Variants in PRKAR2B observed in about 807,000 individuals in gnomAD.
The protein encoded by PRKAR2B is protein kinase cAMP-dependent type II regulatory subunit beta, also known as cAMP-dependent protein kinase type II-beta regulatory subunit.
PRKAR2B carries 14 observed loss-of-function variants against 49.9 expected under a neutral mutation model. The observed-to-expected ratio is 0.28, with a 90% CI of 0.19 to 0.44. PRKAR2B has a LOEUF of 0.44. PRKAR2B is among the 20% of genes least tolerant of loss of function. PRKAR2B has a pLI of 1.00. For missense variants in PRKAR2B, 393 were observed against 537.9 expected (o/e 0.73, Z 2.67); for synonymous variants, 196 against 197.7 (o/e 0.99, Z 0.07).
chr7:107,142,724 T>C (rs1042005204), intron 5 of PRKAR2B, among the ~76,000 whole-genome samples: 4 of 151,956 alleles, frequency 2.6e-5, no homozygotes, highest in Admixed American at 6.6e-5. Flanking sequence ...CCTTGTATTA[T>C]CAGAGAAGAA....
chr7:107,134,494 A>G (rs1307973684), intron 4 of PRKAR2B, among the ~76,000 whole-genome samples: 2 of 152,224 alleles, frequency 1.3e-5, no homozygotes, highest in African/African-American at 4.8e-5. Context: ...TGTTGCCACT[A>G]TGTTATAATT....
At chr7:107,075,596 C>T (rs1015271719) in intron 2 of PRKAR2B, among the ~76,000 whole-genome samples, 34 of 152,054 alleles carry the variant, frequency 2.2e-4, no homozygotes, top group African/African-American at 7.7e-4. Context: ...GACAGGGTTT[C>T]GCCATGTTGC....
At chr7:107,133,370 C>A (rs569369952) in intron 4 of PRKAR2B, among the ~76,000 whole-genome samples, 1 of 152,118 alleles carries the variant, frequency 6.6e-6, no homozygotes, top group Non-Finnish European at 1.5e-5. Context: ...CTTTTTTCCC[C>A]ATTTGACATT....
At chr7:107,147,062 A>G (rs1340427159) in intron 6 of PRKAR2B, among the ~76,000 whole-genome samples, 2 of 141,812 alleles carry the variant, frequency 1.4e-5, no homozygotes, top group Non-Finnish European at 3.2e-5. Context: ...GCCCCACATC[A>G]GAATTACCTG....
At chr7:107,102,193 C>T (rs373738538) in intron 2 of PRKAR2B, among the ~76,000 whole-genome samples, 94 of 152,088 alleles carry the variant, frequency 6.2e-4, no homozygotes, top group Admixed American at 2.5e-3. Context: ...GGTGACAGAG[C>T]GAGACTCCGT....
Position 107,153,195 on chromosome 7 carries a change from G to A in PRKAR2B, c.862G>A (p.Val288Ile), listed in dbSNP as rs776089075. 6.2e-7 allele frequency: 1 copy of A among 1,608,960 alleles called. No homozygotes were observed. The highest frequency in any genetic ancestry group is 2.2e-5 in the East Asian group (1 of 44,716). ...KSLEFSERLKVVDVIGTKVYN... is the reference protein window; with the variant it reads ...KSLEFSERLKIVDVIGTKVYN... Reference sequence around the variant, plus strand: ...TTTGTAGTTTTCTGAACGCCTGAAAGTAGTAGATGTGATAGGCACCAAAGT... The same window carrying A: ...TTTGTAGTTTTCTGAACGCCTGAAAATAGTAGATGTGATAGGCACCAAAGT... Residue 288 changes from valine (V) to isoleucine (I), a missense_variant, in exon 8 of 11, where the codon GTA becomes ATA. By Grantham distance (29) the Val-to-Ile change is conservative. This residue lies in a region of PRKAR2B where 233 missense variants were observed against 390.4 expected (regional missense o/e 0.60). Coordinates refer to ENST00000265717, the MANE Select transcript of PRKAR2B (RefSeq NM_002736.3).
At chr7:107,151,777 G>T (rs1795992934) in intron 7 of PRKAR2B, among the ~76,000 whole-genome samples, 1 of 152,098 alleles carries the variant, frequency 6.6e-6, no homozygotes, top group South Asian at 2.1e-4. Flanking sequence ...TCTCTGCCTG[G>T]CGTTGTACTG....
chr7:107,089,469 A>C (rs1037112117), intron 2 of PRKAR2B, among the ~76,000 whole-genome samples: 9 of 152,244 alleles, frequency 5.9e-5, no homozygotes, highest in Non-Finnish European at 1.2e-4. Flanking sequence ...CATAAACACC[A>C]ACTACTGCGT....
intron 1 of PRKAR2B, among the ~76,000 whole-genome samples, chr7:107,048,931 G>T (rs897490990): frequency 6.6e-5 from 10 of 152,236 alleles, no homozygotes; most frequent in Non-Finnish European, 1.5e-4. Context: ...CCAGAAAGAA[G>T]CCATAATGGA....
intron 2 of PRKAR2B, among the ~76,000 whole-genome samples, chr7:107,117,515 G>A (rs557485089): frequency 2.6e-5 from 4 of 152,226 alleles, no homozygotes; most frequent in East Asian, 1.9e-4. Context: ...CTTACTGAGC[G>A]TCTAGAGTGT....
At chr7:107,062,371 T>G (rs1794041950) in intron 1 of PRKAR2B, among the ~76,000 whole-genome samples, 1 of 152,164 alleles carries the variant, frequency 6.6e-6, no homozygotes, top group Non-Finnish European at 1.5e-5. Context: ...TAGCTCAAAC[T>G]GGAAACTGAA....
intron 2 of PRKAR2B, chr7:107,077,637 G>A (rs948793517): frequency 2.0e-5 from 3 of 152,168 alleles, no homozygotes; most frequent in Admixed American, 6.5e-5. Context: ...GGATAGCAGG[G>A]ACTTAAGGCC....
intron 2 of PRKAR2B, among the ~76,000 whole-genome samples, chr7:107,110,025 G>T (rs1237002656): frequency 6.6e-6 from 1 of 152,196 alleles, no homozygotes; most frequent in Non-Finnish European, 1.5e-5. Context: ...GTAGGAGACA[G>T]TCTTGGGTTA....
chr7:107,045,148 A>G lies in PRKAR2B; in HGVS notation c.241A>G (p.Met81Val). 2 of 1,510,888 alleles carry G rather than the reference A, an allele frequency of 1.3e-6. No individual in the cohort carries two copies. The highest frequency in any genetic ancestry group is 1.8e-6 in the Non-Finnish European group (2 of 1,131,366). The allele number at this position is 1,510,888 out of a possible 1,614,324, so 93.6% of individuals were successfully genotyped here. A position where few individuals can be genotyped will look rare whatever the true frequency, so the allele number is the denominator to read the frequency against. The stretch of plus-strand genomic sequence containing the variant: ...GGGGGTCAACTTCGCCGAGGAGCCC[A>G]TGCAGTCCGACTCCGAGGACGGGGA... ...SKGVNFAEEP[M>V]QSDSEDGEEE... The change falls in exon 1 of 11, where the codon ATG becomes GTG. Residue 81 changes from methionine (M) to valine (V), a missense_variant. Coordinates refer to ENST00000265717, the MANE Select transcript of PRKAR2B (RefSeq NM_002736.3).
chr7:107,130,601 G>T (rs942943279), intron 4 of PRKAR2B, among the ~76,000 whole-genome samples: 1 of 152,168 alleles, frequency 6.6e-6, no homozygotes, highest in African/African-American at 2.4e-5. Context: ...GTTCAGAGTG[G>T]CCCTGATAGA....
intron 2 of PRKAR2B, among the ~76,000 whole-genome samples, chr7:107,117,106 G>A (rs1453463768): frequency 2.1e-5 from 3 of 143,582 alleles, no homozygotes; most frequent in Non-Finnish European, 3.0e-5. Flanking sequence ...CAGAAATACC[G>A]TATATCTGTT....
chr7:107,105,174 C>G (rs771388204), intron 2 of PRKAR2B, among the ~76,000 whole-genome samples: 1 of 152,124 alleles, frequency 6.6e-6, no homozygotes, highest in African/African-American at 2.4e-5. Context: ...ATTAGCAGCT[C>G]TACCGGGAAC....
intron 1 of PRKAR2B, among the ~76,000 whole-genome samples, chr7:107,068,236 CA>C (rs1794191550): frequency 6.6e-6 from 1 of 152,154 alleles, no homozygotes; most frequent in African/African-American, 2.4e-5. Flanking sequence ...ACCAGGAGCT[CA>C]TAGTCCTGTG....
chr7:107,083,838 C>A (rs1035626447), intron 2 of PRKAR2B, among the ~76,000 whole-genome samples: 1 of 152,052 alleles, frequency 6.6e-6, no homozygotes, highest in African/African-American at 2.4e-5. Flanking sequence ...GTCTCAAACT[C>A]CTGACGTTGT....
Sources: allele counts gnomAD v4.1 joint callset (sites outside exome capture counted in the v4.1 genomes callset), GRCh38; gene constraint gnomAD v4.1.1; regional missense constraint gnomAD v4.1.1; transcripts MANE v1.5; gene names NCBI Gene and HGNC (gene_info 2026-07-23, HGNC 2026-07-21).